Variants in DZIP1L observed in about 807,000 individuals in gnomAD.
DZIP1L encodes DAZ interacting zinc finger protein 1 like.
DZIP1L carries 90 observed loss-of-function variants against 88.7 expected under a neutral mutation model. The ratio of observed to expected loss-of-function variants is 1.02; its 90% CI spans 0.86 to 1.21. The LOEUF is 1.21. Ranked by LOEUF, DZIP1L falls within the 50% of genes most tolerant of loss-of-function variation. The pLI is 0.00. For missense variants in DZIP1L, 932 were observed against 955.8 expected, an observed-to-expected ratio of 0.98 and a Z score of 0.33; for synonymous variants, 363 against 372.1, an observed-to-expected ratio of 0.98 and a Z score of 0.28.
chr3:138,062,999 A>G (rs1337021959), intron 15 of DZIP1L, 22 bp from the exon 16 acceptor site: 1 of 1,612,030 alleles, frequency 6.2e-7, no homozygotes, highest in Admixed American at 1.7e-5. Flanking sequence ...AAAGGGGAGA[A>G]GAAAATGCAT....
chr3:138,103,393 C>A, intron 2 of DZIP1L, 78 bp downstream of exon 2: 1 of 1,484,402 alleles, frequency 6.7e-7, no homozygotes, highest in East Asian at 2.3e-5. Context: ...CCCAGCAGTG[C>A]TGCCCAGTGG....
chr3:138,114,343 C>A (rs1221151172), intron 1 of DZIP1L, among the ~76,000 whole-genome samples: 1 of 152,196 alleles, frequency 6.6e-6, no homozygotes, highest in Non-Finnish European at 1.5e-5. Flanking sequence ...CTGTTCCCAA[C>A]CTGAAGCATA....
chr3:138,090,143 A>AAAATAAAT (rs577330479), intron 5 of DZIP1L, among the ~76,000 whole-genome samples: 1 of 152,068 alleles, frequency 6.6e-6, no homozygotes, highest in African/African-American at 2.4e-5. Context: ...CCATCTTAAA[A>AAAATAAAT]AAATAAATAA....
rs553715759 is a variant in DZIP1L, at chr3:138,065,063, C to A, written c.2003-296G>T. Among the ~76,000 whole-genome samples the A allele has an allele frequency of 3.3e-5, 5 of 152,348 alleles. No individual in the cohort carries two copies. The South Asian group carries it at 1.0e-3, about 32-fold the overall frequency. On this transcript the variant is annotated intron_variant, in intron 14 of 15. Coordinates refer to ENST00000327532, the MANE Select transcript of DZIP1L (RefSeq NM_173543.3). ...ATGAGAGGCTGAGGCAGGACCTCTG[C>A]TCAGTGTGGGGAATGAACTGTATCA...
In DZIP1L at chr3:138,069,158, C is replaced by T. The variant is rs747368663; in HGVS notation, c.1616-791G>A. 17 of 684,826 alleles carry T rather than the reference C, an allele frequency of 2.5e-5. 1 individual carries two copies. Among genetic ancestry groups the T allele is most frequent in the South Asian group, 2.4e-4 (15 of 62,850 alleles). The allele number at this position is 684,826 out of a possible 1,614,324, so 42.4% of individuals were successfully genotyped here. A position where few individuals can be genotyped will look rare whatever the true frequency, so the allele number is the denominator to read the frequency against. ...AGCAACCCCTCCTCTTCCTCCTCCT[C>T]TTCAGCCTACTCAACACAAAGATAA... On this transcript the variant is annotated intron_variant, in intron 12 of 15. Transcript: ENST00000327532.
In DZIP1L at chr3:138,103,703, G is replaced by A. The variant is rs555349004; in HGVS notation, c.269C>T (p.Ala90Val). The A allele has an allele frequency of 2.0e-5, 33 of 1,612,688 alleles. No homozygotes were observed. The highest frequency in any genetic ancestry group is 2.5e-5 in the Non-Finnish European group (29 of 1,179,972). Residue 90 changes from alanine (A) to valine (V), a missense_variant, in exon 2 of 16, where the codon GCG becomes GTG. By Grantham distance (64) the Ala-to-Val change is moderately conservative (BLOSUM62 0). Transcript: ENST00000327532. Reference protein sequence around the residue: ...DPALLKVLRLAQLIIEYLLHC... With the variant: ...DPALLKVLRLVQLIIEYLLHC... ...CAGCAGGTACTCAATGATGAGCTGCGCCAGGCGCAGCACCTTGAGCAGTGC... is the reference window on the plus strand; with the variant it reads ...CAGCAGGTACTCAATGATGAGCTGCACCAGGCGCAGCACCTTGAGCAGTGC...
chr3:138,067,606 G>C lies in DZIP1L; in HGVS notation c.1927C>G (p.Arg643Gly). 1 of 1,611,446 alleles carries C rather than the reference G, an allele frequency of 6.2e-7. No individual in the cohort carries two copies. ...PPKVPSRMVP[R>G]PKDDWDWSDT... ...GACCAGTCCCAGTCATCCTTGGGCC[G>C]GGGCACCATCCTGGAAGGAACTTTT... The change falls in exon 14 of 16, where the codon CGG becomes GGG. Residue 643 changes from arginine to glycine, a missense_variant. Physicochemically the swap from Arg to Gly is moderately radical, Grantham distance 125. Transcript: ENST00000327532.
chr3:138,097,466 G>A (rs1018262639), intron 3 of DZIP1L, among the ~76,000 whole-genome samples: 4 of 152,198 alleles, frequency 2.6e-5, no homozygotes, highest in African/African-American at 9.6e-5. Context: ...CATTCACAGT[G>A]AAGGCCACTG....
chr3:138,092,886 C>T (rs1243840277), intron 4 of DZIP1L, among the ~76,000 whole-genome samples: 1 of 152,166 alleles, frequency 6.6e-6, no homozygotes, highest in Non-Finnish European at 1.5e-5. Context: ...CTATTTCCAC[C>T]ACATCTGCAG....
intron 7 of DZIP1L, among the ~76,000 whole-genome samples, chr3:138,084,530 T>C (rs549353856): frequency 4.6e-5 from 7 of 152,202 alleles, no homozygotes; most frequent in Admixed American, 1.3e-4. Flanking sequence ...CATTTGAAAA[T>C]CATCAAATGG....
chr3:138,097,648 G>T, intron 3 of DZIP1L, 115 bp downstream of exon 3: 2 of 940,632 alleles, frequency 2.1e-6, no homozygotes, highest in African/African-American at 1.6e-5. Context: ...TCCCCAATTG[G>T]ACAGTGAGGT....
intron 2 of DZIP1L, among the ~76,000 whole-genome samples, chr3:138,098,955 G>A (rs985417571): frequency 7.9e-5 from 12 of 152,028 alleles, no homozygotes; most frequent in African/African-American, 2.4e-4. Context: ...AGACCAGCCC[G>A]GGCAACCTGG....
intron 11 of DZIP1L, among the ~76,000 whole-genome samples, chr3:138,072,060 C>T (rs981353283): frequency 2.0e-5 from 3 of 152,232 alleles, no homozygotes; most frequent in Admixed American, 6.5e-5. Flanking sequence ...TCAAAATGTG[C>T]ACAGCAGGAT....
chr3:138,084,962 C>T (rs1202826203), intron 7 of DZIP1L, among the ~76,000 whole-genome samples: 1 of 152,148 alleles, frequency 6.6e-6, no homozygotes, highest in Non-Finnish European at 1.5e-5. Context: ...TTTCTGAGGG[C>T]TCTGTTCTGT....
intron 12 of DZIP1L, among the ~76,000 whole-genome samples, chr3:138,071,331 C>A (rs1211695817): frequency 6.6e-6 from 1 of 152,198 alleles, no homozygotes; most frequent in African/African-American, 2.4e-5. Flanking sequence ...ACAAGCCAAA[C>A]AGAATGAAGG....
Position 138,103,996 on chromosome 3 carries a change from CA to C in DZIP1L, c.-26del, listed in dbSNP as rs1189101985. 1 of 1,590,942 alleles carries C rather than the reference CA, an allele frequency of 6.3e-7. No individual in the cohort carries two copies. Among genetic ancestry groups the C allele is most frequent in the South Asian group, 1.1e-5 (1 of 88,050 alleles). On this transcript the variant is annotated 5_prime_UTR_variant, in exon 2 of 16. Transcript: ENST00000327532. ...TGGGCAGAGGAAGCCCTGAGCTGACCACCAGAGGAGGGGGGCACCAAGGCCA... is the reference window on the plus strand; with the variant it reads ...TGGGCAGAGGAAGCCCTGAGCTGACCCCAGAGGAGGGGGGCACCAAGGCCA...
chr3:138,071,605 C>G, intron 12 of DZIP1L, 38 bp downstream of exon 12: 1 of 1,580,834 alleles, frequency 6.3e-7, no homozygotes, highest in South Asian at 1.2e-5. Flanking sequence ...GGGACCCTTA[C>G]AGGTCACAGC....
chr3:138,087,114 G>T, intron 6 of DZIP1L, 91 bp from the exon 7 acceptor site: 1 of 1,178,906 alleles, frequency 8.5e-7, no homozygotes, highest in Non-Finnish European at 1.2e-6. Context: ...TGGCTCATGG[G>T]TAGGCAGACA....
At chr3:138,075,580 T>C (rs371757412) in intron 11 of DZIP1L, among the ~76,000 whole-genome samples, 2 of 152,340 alleles carry the variant, frequency 1.3e-5, no homozygotes, top group East Asian at 3.9e-4. Flanking sequence ...GAAATCAAGA[T>C]GGAAACTTAA....
Sources: gnomAD v4.1 joint callset for allele counts (sites outside exome capture counted in the v4.1 genomes callset) on GRCh38, gnomAD v4.1.1 for gene constraint, MANE v1.5 for transcripts, NCBI Gene and HGNC (gene_info 2026-07-23, HGNC 2026-07-21) for gene names.